The following CCDC158 variants were observed in gnomAD, a reference collection of about 807,000 sequenced individuals.
CCDC158 encodes coiled-coil domain containing 158.
In CCDC158, 116 loss-of-function variants were observed where a neutral mutation model predicts 138.6. The ratio of observed to expected loss-of-function variants is 0.84; its 90% confidence interval spans 0.72 to 0.98. The LOEUF (loss-of-function observed/expected upper bound fraction) is 0.98, where lower values mean the gene tolerates loss of function less well. Ranked by LOEUF, CCDC158 falls within the 50% of genes least tolerant of loss-of-function variation. The probability of loss-of-function intolerance (pLI) is 0.00; values close to 1 mark genes in which losing one functional copy is unlikely to be tolerated. For synonymous variants in CCDC158, 436 were observed against 442.4 expected (o/e 0.99, Z 0.18); for missense variants, 1,265 against 1,306.1 (o/e 0.97, Z 0.48).
At chr4:76,414,962 C>G (rs950059974) in intron 1 of CCDC158, among the ~76,000 whole-genome samples, 1 of 152,138 alleles carries the variant, frequency 6.6e-6, no homozygotes, top group Non-Finnish European at 1.5e-5. Flanking sequence ...AACTGGGTAA[C>G]AGGCAGAGGT....
chr4:76,361,932 G>GT (rs532070959), intron 13 of CCDC158, among the ~76,000 whole-genome samples, 194 bp downstream of exon 13: 151 of 152,302 alleles, frequency 9.9e-4, no homozygotes, highest in African/African-American at 3.3e-3. Flanking sequence ...GTTAAGGTCA[G>GT]TAAGTGTAAG....
intron 13 of CCDC158, among the ~76,000 whole-genome samples, chr4:76,361,332 G>A (rs1425711148): frequency 6.6e-6 from 1 of 152,194 alleles, no homozygotes; most frequent in East Asian, 1.9e-4. Context: ...GGAGGCTGAG[G>A]CAGGTGGATC....
chr4:76,377,084 T>G (rs993302636), intron 9 of CCDC158, among the ~76,000 whole-genome samples: 1 of 152,240 alleles, frequency 6.6e-6, no homozygotes, highest in Non-Finnish European at 1.5e-5. Flanking sequence ...TTAGAAATTC[T>G]TTTTATACAT....
At chr4:76,359,888 G>T (rs766005331) in intron 13 of CCDC158, among the ~76,000 whole-genome samples, 1 of 152,226 alleles carries the variant, frequency 6.6e-6, no homozygotes. Context: ...AAGTAAAGAG[G>T]AGCCAAATGT....
intron 4 of CCDC158, among the ~76,000 whole-genome samples, chr4:76,393,676 A>T (rs941065516): frequency 3.4e-4 from 52 of 152,274 alleles, no homozygotes; most frequent in African/African-American, 1.2e-3. Context: ...GGAAACAATC[A>T]ACAAAGTGAA....
intron 24 of CCDC158, among the ~76,000 whole-genome samples, chr4:76,318,029 T>C (rs1719572490): frequency 6.6e-6 from 1 of 152,154 alleles, no homozygotes; most frequent in Non-Finnish European, 1.5e-5. Context: ...GGAAAGTTAA[T>C]AGCCTTAAAT....
At chr4:76,386,123 C>G (rs972677329) in intron 4 of CCDC158, among the ~76,000 whole-genome samples, 2 of 152,106 alleles carry the variant, frequency 1.3e-5, no homozygotes, top group African/African-American at 2.4e-5. Flanking sequence ...AGAAGCAGAT[C>G]GAGAAAGAAG....
chr4:76,371,181 C>T (rs1725200520), intron 10 of CCDC158, among the ~76,000 whole-genome samples: 1 of 152,134 alleles, frequency 6.6e-6, no homozygotes, highest in Non-Finnish European at 1.5e-5. Context: ...AAGACTATGG[C>T]TATGTCAAGA....
At chr4:76,364,235 G>T (rs1427546629) in intron 12 of CCDC158, among the ~76,000 whole-genome samples, 1 of 152,108 alleles carries the variant, frequency 6.6e-6, no homozygotes, top group Non-Finnish European at 1.5e-5. Context: ...ATACCCAATT[G>T]TTGATCAAAT....
chr4:76,333,393 A>C (rs1721177339), intron 19 of CCDC158, among the ~76,000 whole-genome samples: 1 of 152,230 alleles, frequency 6.6e-6, no homozygotes, highest in African/African-American at 2.4e-5. Context: ...AAATGATAAC[A>C]CAAAAAAGTA....
rs566857643 is a variant in CCDC158 at position 76,336,572 on chromosome 4, A to T, written c.2665-2405T>A. The stretch of plus-strand genomic sequence containing the variant: ...CACCAAAGATCAAGGAAGGCAGTTT[A>T]ATTTTTGTATAGCTTCAAATCTTTT... On this transcript the variant is annotated intron_variant, in intron 18 of 24. Transcript: ENST00000682701. Among the ~76,000 whole-genome samples the T allele has an allele frequency of 9.2e-5, 14 of 152,278 alleles. No homozygotes were observed. The East Asian group carries it at 2.5e-3, about 27-fold the overall frequency.
intron 9 of CCDC158, among the ~76,000 whole-genome samples, chr4:76,371,897 CA>C (rs1411552498): frequency 1.4e-5 from 2 of 145,096 alleles, no homozygotes; most frequent in Non-Finnish European, 3.0e-5. Flanking sequence ...AAGATCGTGC[CA>C]TTGCACTTCA....
At chr4:76,420,899 G>A (rs567478612) in intron 1 of CCDC158, among the ~76,000 whole-genome samples, 66 bp downstream of exon 1, 89 of 152,226 alleles carry the variant, frequency 5.8e-4, no homozygotes, top group African/African-American at 1.9e-3. Context: ...GAGTCGCTCC[G>A]GGTCCTCAGA....
intron 16 of CCDC158, chr4:76,352,635 G>C (rs894829815): frequency 6.6e-6 from 1 of 152,178 alleles, no homozygotes; most frequent in African/African-American, 2.4e-5. Flanking sequence ...TACAATAAAC[G>C]GCAATGACAA....
At chr4:76,390,629 C>G (rs1485670526) in intron 4 of CCDC158, among the ~76,000 whole-genome samples, 1 of 151,962 alleles carries the variant, frequency 6.6e-6, no homozygotes. Flanking sequence ...AGTCCTTAGT[C>G]ATCAATAACA....
chr4:76,328,947 G>A lies in CCDC158; in HGVS notation c.2963C>T (p.Ala988Val), dbSNP rs769633345. ...ACCAGAGGGATCTTCCCTGTCTCCT[G>A]CGTGTAATGTGACTGGCTCTCTGGA... ...TLSREPVTLH[A>V]GDREDPSGCF... Residue 988 changes from alanine to valine, a missense_variant, in exon 22 of 25, where the codon GCA (alanine) becomes GTA (valine). Physicochemically the swap from Ala to Val is moderately conservative, Grantham distance 64. Transcript: ENST00000682701. 1.2e-6 allele frequency: 2 copies of A among 1,613,778 alleles called. No individual in the cohort carries two copies. Among genetic ancestry groups the A allele is most frequent in the Non-Finnish European group, 1.7e-6 (2 of 1,179,714 alleles).
At position 76,366,638 on chromosome 4, in the gene CCDC158, A is replaced by ACACACACACACACACAC. The variant is rs34680628; in HGVS notation, c.1830+655_1830+656insGTGTGTGTGTGTGTGTG. 6.7e-3 allele frequency among the ~76,000 whole-genome samples: 998 copies of ACACACACACACACACAC among 147,958 alleles called. 6 individuals carry two copies. Among genetic ancestry groups the ACACACACACACACACAC allele is most frequent in the East Asian group, 0.016 (78 of 5,024 alleles). ...ACACTGCTACATAAACACACACACA[A>ACACACACACACACACAC]ACACACACACACACACACACGGCAA... is the stretch of plus-strand genomic sequence containing the variant. On this transcript the variant is annotated intron_variant, in intron 12 of 24. Transcript: ENST00000682701.
chr4:76,402,674 G>A (rs925685410), intron 3 of CCDC158, among the ~76,000 whole-genome samples: 1 of 152,076 alleles, frequency 6.6e-6, no homozygotes, highest in Non-Finnish European at 1.5e-5. Context: ...AAATAATTTG[G>A]ATCAGAGGTG....
intron 24 of CCDC158, among the ~76,000 whole-genome samples, chr4:76,315,441 CCT>C (rs1174500602): frequency 6.6e-6 from 1 of 152,174 alleles, no homozygotes; most frequent in East Asian, 1.9e-4. Flanking sequence ...CTTACATTCC[CCT>C]GTCTACTATC....
Sources: gnomAD v4.1 joint callset for allele counts (sites outside exome capture counted in the v4.1 genomes callset) on GRCh38, gnomAD v4.1.1 for gene constraint, MANE v1.5 for transcripts, NCBI Gene and HGNC (gene_info 2026-07-23, HGNC 2026-07-21) for gene names.